Variants in ACOX3 observed in about 807,000 individuals in gnomAD.
The protein encoded by ACOX3 is acyl-CoA oxidase 3, pristanoyl.
Under a neutral mutation model 81.5 loss-of-function variants are expected in ACOX3, and 73 were observed. The observed-to-expected ratio is 0.90, with a 90% CI of 0.74 to 1.09. The LOEUF (loss-of-function observed/expected upper bound fraction) is 1.09. Ranked by LOEUF, ACOX3 falls within the 50% of genes least tolerant of loss-of-function variation. The probability of loss-of-function intolerance (pLI) is 0.00; values close to 1 mark genes in which losing one functional copy is unlikely to be tolerated. For missense variants in ACOX3, 947 were observed against 928.0 expected (o/e 1.02, Z -0.27); for synonymous variants, 387 against 375.1 (o/e 1.03, Z -0.37).
Position 8,400,948 on chromosome 4 carries a change from G to A in ACOX3, c.777-1296C>T, listed in dbSNP as rs964176713. On this transcript the variant is annotated intron_variant, in intron 7 of 17. Transcript: ENST00000356406. The surrounding 1 kb of genome is among the most constrained non-coding windows in gnomAD (Gnocchi z 4.4). The stretch of plus-strand genomic sequence containing the variant: ...ATACAATTAGCCATAATGCAAAATT[G>A]CAAAATCAGTGGGAGCCTGAGCTTG... Among the ~76,000 whole-genome samples the A allele has an allele frequency of 6.7e-6, 1 of 149,854 alleles. No homozygotes were observed. Among genetic ancestry groups the A allele is most frequent in the Admixed American group, 6.6e-5 (1 of 15,038 alleles).
intron 1 of ACOX3, among the ~76,000 whole-genome samples, chr4:8,434,631 T>C (rs1438649106): frequency 2.0e-5 from 3 of 152,276 alleles, no homozygotes; most frequent in Non-Finnish European, 4.4e-5. Flanking sequence ...ACTTTAAGTC[T>C]GGACATTTGA....
At chr4:8,361,162 G>A in the ACOX3 span, among the ~76,000 whole-genome samples, 4 of 151,936 alleles carry the variant, frequency 2.6e-5, no homozygotes, top group African/African-American at 7.2e-5. Flanking sequence ...GGTGGCTCAC[G>A]CCCGTAATCC....
the ACOX3 span, chr4:8,356,925 C>T: frequency 2.0e-5 from 9 of 455,804 alleles, no homozygotes; most frequent in African/African-American, 1.4e-4. Flanking sequence ...CTAACATGAT[C>T]CCAGCAGGCG....
chr4:8,374,164 C>T (rs527653071), intron 15 of ACOX3: 87 of 163,064 alleles, frequency 5.3e-4, no homozygotes, highest in African/African-American at 1.9e-3. Context: ...AAGGCTGTGG[C>T]CTTGTGCGTT....
At chr4:8,388,510 G>A (rs1015714466) in intron 13 of ACOX3, among the ~76,000 whole-genome samples, 3 of 152,240 alleles carry the variant, frequency 2.0e-5, no homozygotes, top group Non-Finnish European at 4.4e-5. Flanking sequence ...CTGCCAGCAC[G>A]GCCAGGCGCC....
downstream of ACOX3, chr4:8,366,156 C>T (rs147301018): frequency 0.029 from 4,484 of 152,348 alleles, 83 homozygotes; most frequent in South Asian, 0.08. Context: ...CAGGAGTGAC[C>T]GGGGGAGGCG....
rs1721169711 is a variant in ACOX3, at chr4:8,407,818, C to G, written c.688-1775G>C. The stretch of plus-strand genomic sequence containing the variant: ...CGACGGAAGGACGTGGAGCTTCATC[C>G]TTGGGCACTGTTACAGCAGGGATTC... On this transcript the variant is annotated intron_variant, in intron 6 of 17. Transcript: ENST00000356406. The surrounding 1 kb of genome is among the most constrained non-coding windows in gnomAD (Gnocchi z 4.6). Among the ~76,000 whole-genome samples the G allele has an allele frequency of 1.3e-5, 2 of 152,220 alleles. No homozygotes were observed. Among genetic ancestry groups the G allele is most frequent in the Non-Finnish European group, 2.9e-5 (2 of 68,018 alleles).
chr4:8,421,625 T>G (rs1420261548), intron 1 of ACOX3, among the ~76,000 whole-genome samples: 1 of 152,242 alleles, frequency 6.6e-6, no homozygotes, highest in Non-Finnish European at 1.5e-5. Context: ...TAGGTACTAA[T>G]GCTTCAGACT....
rs1721103937 is a variant in ACOX3, at chr4:8,407,385, T to G, written c.688-1342A>C. On this transcript the variant is annotated intron_variant, in intron 6 of 17. Coordinates refer to ENST00000356406, the MANE Select transcript of ACOX3 (RefSeq NM_003501.3). This position sits in a 1 kb window ranked among gnomAD's most constrained non-coding sequence, Gnocchi z 4.6. ...TCAGTCTCTTGCCTCGGCACCTGGG[T>G]GGCTTGCCGCCCACATGGGGCCACA... Among the ~76,000 whole-genome samples, 1 of 152,204 alleles carries G rather than the reference T, an allele frequency of 6.6e-6. No individual in the cohort carries two copies. The highest frequency in any genetic ancestry group is 1.5e-5 in the Non-Finnish European group (1 of 68,034).
At chr4:8,420,560 C>T (rs1722825952) in intron 1 of ACOX3, among the ~76,000 whole-genome samples, 1 of 152,172 alleles carries the variant, frequency 6.6e-6, no homozygotes, top group Non-Finnish European at 1.5e-5. Flanking sequence ...ATCACCTATC[C>T]CCTGAGAGCA....
chr4:8,356,469 G>A, the ACOX3 span: 4 of 440,756 alleles, frequency 9.1e-6, no homozygotes, highest in Non-Finnish European at 1.8e-5. Flanking sequence ...TGCTAAACTT[G>A]TACATTCATG....
Position 8,386,821 on chromosome 4 carries a change from C to T in ACOX3, c.1537+2352G>A, listed in dbSNP as rs946113041. Among the ~76,000 whole-genome samples the T allele has an allele frequency of 2.6e-5, 4 of 152,206 alleles. No homozygotes were observed. Among genetic ancestry groups the T allele is most frequent in the African/African-American group, 4.8e-5 (2 of 41,460 alleles). Reference sequence around the variant, plus strand: ...CCAGGCTCCACACCGGCTTCGGCCACGGCTGTTGTCCTGTTCTTTGCCGTG... The same window carrying T: ...CCAGGCTCCACACCGGCTTCGGCCATGGCTGTTGTCCTGTTCTTTGCCGTG... On this transcript the variant is annotated intron_variant, in intron 13 of 17. Transcript: ENST00000356406. This position sits in a 1 kb window ranked among gnomAD's most constrained non-coding sequence, Gnocchi z 5.2.
At position 8,386,643 on chromosome 4, in the gene ACOX3, C is replaced by T. The variant is rs1718339386; in HGVS notation, c.1537+2530G>A. Among the ~76,000 whole-genome samples the T allele has an allele frequency of 6.6e-6, 1 of 151,980 alleles. No individual in the cohort carries two copies. Among genetic ancestry groups the T allele is most frequent in the Admixed American group, 6.6e-5 (1 of 15,264 alleles). The stretch of plus-strand genomic sequence containing the variant: ...AACGTGTCCCCGTTTCCCACTGGCA[C>T]CCAAAAAGGCAGGCTAAGATCTGCA... On this transcript the variant is annotated intron_variant, in intron 13 of 17. Coordinates refer to ENST00000356406, the MANE Select transcript of ACOX3 (RefSeq NM_003501.3). The surrounding 1 kb of genome is among the most constrained non-coding windows in gnomAD (Gnocchi z 5.2).
At chr4:8,357,731 C>A in the ACOX3 span, 8 of 224,588 alleles carry the variant, frequency 3.6e-5, no homozygotes, top group African/African-American at 1.6e-4. Context: ...GAGCAGGGAC[C>A]GTGTGTGGGG....
chr4:8,395,480 A>G (rs954743419), intron 9 of ACOX3, among the ~76,000 whole-genome samples: 7 of 152,222 alleles, frequency 4.6e-5, no homozygotes, highest in African/African-American at 1.7e-4. Context: ...CATCACCACC[A>G]TGGTCTAACG....
chr4:8,435,261 C>T (rs1345223645), intron 1 of ACOX3, among the ~76,000 whole-genome samples: 8 of 152,122 alleles, frequency 5.3e-5, no homozygotes, highest in African/African-American at 1.4e-4. Flanking sequence ...GAGGCCGAGG[C>T]GGGCAGATCA....
At chr4:8,404,732 A>G (rs1418728707) in intron 7 of ACOX3, among the ~76,000 whole-genome samples, 1 of 151,842 alleles carries the variant, frequency 6.6e-6, no homozygotes, top group Admixed American at 6.6e-5. Context: ...GTTATTTCCA[A>G]CTCCTGTAAG....
rs1479627024 is a variant in ACOX3, at chr4:8,386,280, C to T, written c.1537+2893G>A. Among the ~76,000 whole-genome samples the T allele has an allele frequency of 6.6e-6, 1 of 152,158 alleles. No individual in the cohort carries two copies. Among genetic ancestry groups the T allele is most frequent in the African/African-American group, 2.4e-5 (1 of 41,438 alleles). ...AACATTTGGGAAGCTTAGAAAGTGA[C>T]TTGCGGCCGGGCGTGGTGGCTCATG... is the stretch of plus-strand genomic sequence containing the variant. On this transcript the variant is annotated intron_variant, in intron 13 of 17. Transcript: ENST00000356406. The surrounding 1 kb of genome is among the most constrained non-coding windows in gnomAD (Gnocchi z 5.2).
rs550136865 is a variant in ACOX3, at chr4:8,384,489, A to C, written c.1538-2882T>G. On this transcript the variant is annotated intron_variant, in intron 13 of 17. Transcript: ENST00000356406. The surrounding 1 kb of genome is among the most constrained non-coding windows in gnomAD (Gnocchi z 5.3). ...CTGCTGGCGGCCTGAGGACACACCC[A>C]GCGTCAACAACCTCTGTCCTCAAGA... is the stretch of plus-strand genomic sequence containing the variant. Among the ~76,000 whole-genome samples, 1 of 152,286 alleles carries C rather than the reference A, an allele frequency of 6.6e-6. No individual in the cohort carries two copies. Among genetic ancestry groups the C allele is most frequent in the Admixed American group, 6.5e-5 (1 of 15,290 alleles).
Sources: allele counts gnomAD v4.1 joint callset (sites outside exome capture counted in the v4.1 genomes callset), GRCh38; gene constraint gnomAD v4.1.1; non-coding constraint Gnocchi (gnomAD v3.1); transcripts MANE v1.5; gene names NCBI Gene and HGNC (gene_info 2026-07-23, HGNC 2026-07-21).